The following PRELID2 variants were observed in gnomAD, a reference collection of about 807,000 sequenced individuals.
The protein encoded by PRELID2 is PRELI domain containing 2, also known as PRELI domain-containing protein 2.
In PRELID2, 25 loss-of-function variants were observed where a neutral mutation model predicts 28.4. The ratio of observed to expected loss-of-function variants is 0.88; its 90% CI spans 0.64 to 1.23. PRELID2 has a LOEUF of 1.23. Ranked by LOEUF, PRELID2 falls within the 50% of genes most tolerant of loss-of-function variation. PRELID2 has a pLI of 0.00. For missense variants in PRELID2, 201 were observed against 214.4 expected, an observed-to-expected ratio of 0.94 and a Z score of 0.39; for synonymous variants, 76 against 71.6, an observed-to-expected ratio of 1.06 and a Z score of -0.31.
chr5:145,478,204 G>C (rs953228472), intron 1 of PRELID2, among the ~76,000 whole-genome samples: 1 of 152,114 alleles, frequency 6.6e-6, no homozygotes, highest in African/African-American at 2.4e-5. Flanking sequence ...AGTTCAAATA[G>C]AGCTGTGCTC....
At chr5:145,317,605 G>C in the PRELID2 span, among the ~76,000 whole-genome samples, 190 of 152,218 alleles carry the variant, frequency 1.2e-3, no homozygotes, top group African/African-American at 4.3e-3. Context: ...GCACAAGACT[G>C]GGGGGTGGAG....
At chr5:145,488,519 A>G (rs1444187964) in intron 1 of PRELID2, among the ~76,000 whole-genome samples, 1 of 152,188 alleles carries the variant, frequency 6.6e-6, no homozygotes, top group East Asian at 1.9e-4. Flanking sequence ...TAATTTGATA[A>G]TCATAACAAC....
chr5:145,562,269 T>G (rs1251928962), intron 1 of PRELID2, among the ~76,000 whole-genome samples: 1 of 152,224 alleles, frequency 6.6e-6, no homozygotes, highest in Non-Finnish European at 1.5e-5. Context: ...CCTGTAATGA[T>G]GGCAGTCTTT....
chr5:145,291,914 T>G, the PRELID2 span, among the ~76,000 whole-genome samples: 2 of 152,230 alleles, frequency 1.3e-5, no homozygotes, highest in African/African-American at 4.8e-5. Context: ...TTTGTGCCTT[T>G]GTTAAAAGTA....
intron 1 of PRELID2, among the ~76,000 whole-genome samples, chr5:145,636,177 TATACCCA>T (rs1753999682): frequency 6.6e-6 from 1 of 152,236 alleles, no homozygotes; most frequent in Non-Finnish European, 1.5e-5. Context: ...GTGCTATTGT[TATACCCA>T]ATGTAGAGAT....
the PRELID2 span, among the ~76,000 whole-genome samples, chr5:145,368,056 G>T: frequency 6.6e-6 from 1 of 151,704 alleles, no homozygotes; most frequent in Non-Finnish European, 1.5e-5. Flanking sequence ...TGTCATTCGG[G>T]GTTGTCGATG....
chr5:145,253,251 C>A, the PRELID2 span, among the ~76,000 whole-genome samples: 1 of 152,072 alleles, frequency 6.6e-6, no homozygotes, highest in African/African-American at 2.4e-5. Context: ...GAGGTAGAAC[C>A]TGTGGTTGAC....
At chr5:145,642,561 T>C (rs747762946) in intron 1 of PRELID2, among the ~76,000 whole-genome samples, 13 of 152,232 alleles carry the variant, frequency 8.5e-5, no homozygotes, top group Non-Finnish European at 1.6e-4. Context: ...TGCCATTGCT[T>C]TTGGTGATTT....
intron 1 of PRELID2, among the ~76,000 whole-genome samples, chr5:145,521,670 AGGT>A (rs922694503): frequency 1.3e-4 from 20 of 152,190 alleles, no homozygotes; most frequent in African/African-American, 4.8e-4. Flanking sequence ...TTCAGGGAAC[AGGT>A]AGCTGTCTAT....
At chr5:145,337,232 A>G in the PRELID2 span, among the ~76,000 whole-genome samples, 3 of 151,954 alleles carry the variant, frequency 2.0e-5, no homozygotes, top group South Asian at 2.1e-4. Flanking sequence ...GAAATAAATG[A>G]CATTAAGACA....
At position 145,764,917 on chromosome 5, in the gene PRELID2, C is replaced by A; in HGVS notation, c.*10+14G>T. On this transcript the variant is annotated intron_variant, in intron 6 of 6. Coordinates refer to ENST00000683046, the MANE Select transcript of PRELID2 (RefSeq NM_205846.3). The stretch of plus-strand genomic sequence containing the variant: ...GCTTGTGTAAATAATTCTGACTTTG[C>A]TTTTGGTACTCACTGATGATTCTTT... 6.3e-7 allele frequency: 1 copy of A among 1,595,710 alleles called. No homozygotes were observed. Among genetic ancestry groups the A allele is most frequent in the Non-Finnish European group, 8.6e-7 (1 of 1,164,102 alleles).
At chr5:145,394,683 G>A in the PRELID2 span, among the ~76,000 whole-genome samples, 2 of 152,172 alleles carry the variant, frequency 1.3e-5, no homozygotes, top group Non-Finnish European at 2.9e-5. Flanking sequence ...TGGAACTTGT[G>A]TTAATCCCAT....
the PRELID2 span, among the ~76,000 whole-genome samples, chr5:145,232,599 T>C: frequency 2.0e-5 from 3 of 152,190 alleles, no homozygotes; most frequent in South Asian, 4.1e-4. Flanking sequence ...TTTGGACATA[T>C]ATTTTTGTGT....
At chr5:145,486,221 C>T (rs376484808) in intron 1 of PRELID2, among the ~76,000 whole-genome samples, 12 of 152,230 alleles carry the variant, frequency 7.9e-5, no homozygotes, top group African/African-American at 2.6e-4. Context: ...CTGCTCATTT[C>T]CATAAATGTC....
the PRELID2 span, among the ~76,000 whole-genome samples, chr5:145,310,400 A>G: frequency 1.3e-5 from 2 of 152,172 alleles, no homozygotes; most frequent in Non-Finnish European, 2.9e-5. Context: ...TATCAAAGAA[A>G]ATGCCACCTT....
intron 1 of PRELID2, among the ~76,000 whole-genome samples, chr5:145,686,355 TAAAC>T (rs1189280580): frequency 6.6e-6 from 1 of 152,134 alleles, no homozygotes; most frequent in African/African-American, 2.4e-5. Context: ...ATAATATAAA[TAAAC>T]AGTCTAACAA....
At chr5:145,641,762 G>A (rs1465486549) in intron 1 of PRELID2, among the ~76,000 whole-genome samples, 1 of 152,202 alleles carries the variant, frequency 6.6e-6, no homozygotes, top group Non-Finnish European at 1.5e-5. Context: ...GAGAACATGT[G>A]GTGTTTGGTT....
intron 1 of PRELID2, among the ~76,000 whole-genome samples, chr5:145,609,212 G>A (rs983230821): frequency 6.6e-5 from 10 of 152,084 alleles, no homozygotes; most frequent in Admixed American, 3.9e-4. Context: ...ACTTTCTCCC[G>A]AATGTTGATG....
At chr5:145,648,625 C>T (rs1422121411) in intron 1 of PRELID2, among the ~76,000 whole-genome samples, 5 of 148,194 alleles carry the variant, frequency 3.4e-5, no homozygotes, top group South Asian at 2.1e-4. Context: ...TGAGTTTAGG[C>T]GGTTTTTTTG....
Sources: allele counts gnomAD v4.1 joint callset (sites outside exome capture counted in the v4.1 genomes callset), GRCh38; gene constraint gnomAD v4.1.1; transcripts MANE v1.5; gene names NCBI Gene and HGNC (gene_info 2026-07-23, HGNC 2026-07-21).